The following PACSIN2 variants were observed in gnomAD, a reference collection of about 807,000 sequenced individuals.
PACSIN2 encodes the protein protein kinase C and casein kinase substrate in neurons 2.
A neutral mutation model predicts 63.8 loss-of-function variants in PACSIN2; 25 were observed. The ratio of observed to expected loss-of-function variants is 0.39; its 90% CI spans 0.29 to 0.55. The LOEUF (loss-of-function observed/expected upper bound fraction) is 0.55. PACSIN2 is among the 20% of genes least tolerant of loss of function. The pLI is 0.62. For synonymous variants in PACSIN2, 255 were observed against 256.2 expected (o/e 1.00, Z 0.05); for missense variants, 518 against 646.9 (o/e 0.80, Z 2.16).
At chr22:42,909,320 T>C in intron 2 of PACSIN2, 1 of 343,082 alleles carries the variant, frequency 2.9e-6, no homozygotes, top group Non-Finnish European at 5.8e-6. Context: ...TTAGTATCTT[T>C]TGGTGGGAAG....
chr22:43,014,847 GC>G (rs1184444661), intron 1 of PACSIN2, among the ~76,000 whole-genome samples, 173 bp downstream of exon 1: 7 of 141,934 alleles, frequency 4.9e-5, no homozygotes, highest in Admixed American at 4.3e-4. Flanking sequence ...CCGAGCACTC[GC>G]CCCCTCCCAC....
At chr22:42,881,772 C>T (rs1316309227) in intron 7 of PACSIN2, among the ~76,000 whole-genome samples, 1 of 152,166 alleles carries the variant, frequency 6.6e-6, no homozygotes, top group Non-Finnish European at 1.5e-5. Flanking sequence ...GGGCTGCCCA[C>T]TGAGACCACC....
chr22:42,883,943 G>C (rs946835725), intron 6 of PACSIN2, among the ~76,000 whole-genome samples: 2 of 151,948 alleles, frequency 1.3e-5, no homozygotes, highest in Non-Finnish European at 2.9e-5. Context: ...GGTGGAGGAG[G>C]TTGCAGTGAA....
chr22:42,948,488 G>A (rs1233447084), intron 1 of PACSIN2, among the ~76,000 whole-genome samples: 1 of 152,142 alleles, frequency 6.6e-6, no homozygotes, highest in Admixed American at 6.6e-5. Flanking sequence ...AGCCACACGA[G>A]CTGGGTGTGG....
chr22:42,975,164 C>T (rs970218720), intron 1 of PACSIN2, among the ~76,000 whole-genome samples: 13 of 152,196 alleles, frequency 8.5e-5, no homozygotes, highest in Admixed American at 7.2e-4. Flanking sequence ...TACTGACTCC[C>T]TTAAATCCAA....
intron 7 of PACSIN2, among the ~76,000 whole-genome samples, chr22:42,879,578 G>A (rs768608262): frequency 6.6e-6 from 1 of 152,220 alleles, no homozygotes; most frequent in Non-Finnish European, 1.5e-5. Flanking sequence ...GGCCTCCCCA[G>A]ATGTCTGCTG....
intron 2 of PACSIN2, among the ~76,000 whole-genome samples, chr22:42,893,847 T>A (rs1415887132): frequency 6.6e-6 from 1 of 152,038 alleles, no homozygotes; most frequent in African/African-American, 2.4e-5. Flanking sequence ...GTTCTTTAGG[T>A]TGGGTACCAA....
chr22:42,921,313 T>C (rs1189951861), intron 1 of PACSIN2, among the ~76,000 whole-genome samples: 2 of 150,488 alleles, frequency 1.3e-5, no homozygotes, highest in African/African-American at 4.9e-5. Flanking sequence ...GAGCCGAGAT[T>C]GTGTCACTGT....
At chr22:42,874,738 T>C (rs1486857314) in intron 10 of PACSIN2, among the ~76,000 whole-genome samples, 1 of 152,248 alleles carries the variant, frequency 6.6e-6, no homozygotes, top group Non-Finnish European at 1.5e-5. Flanking sequence ...CAGATGCCCT[T>C]CTGTGTGACT....
At chr22:42,882,052 T>C (rs1248610798) in intron 7 of PACSIN2, 132 bp downstream of exon 7, 2 of 1,070,532 alleles carry the variant, frequency 1.9e-6, no homozygotes, top group Non-Finnish European at 2.8e-6. Flanking sequence ...ACTATAGCTA[T>C]GCCTAAAGGC....
chr22:42,985,018 A>G (rs1922507159), intron 1 of PACSIN2, among the ~76,000 whole-genome samples: 1 of 152,198 alleles, frequency 6.6e-6, no homozygotes, highest in African/African-American at 2.4e-5. Flanking sequence ...GCTGCTTTCT[A>G]TAAAAAATGA....
intron 2 of PACSIN2, among the ~76,000 whole-genome samples, chr22:42,901,991 C>A (rs1242212289): frequency 6.6e-6 from 1 of 152,248 alleles, no homozygotes; most frequent in Non-Finnish European, 1.5e-5. Context: ...TGGCTCCCCA[C>A]TGAAGCATTC....
At chr22:43,005,934 A>G (rs1004874499) in intron 1 of PACSIN2, among the ~76,000 whole-genome samples, 39 of 152,140 alleles carry the variant, frequency 2.6e-4, no homozygotes, top group Non-Finnish European at 4.4e-5. Flanking sequence ...GCCCTCATGA[A>G]TGGGACTAGT....
intron 1 of PACSIN2, among the ~76,000 whole-genome samples, chr22:42,952,820 G>A (rs1334397084): frequency 1.3e-5 from 2 of 151,944 alleles, no homozygotes; most frequent in East Asian, 3.9e-4. Context: ...GTGCCACCAG[G>A]CCCAGCTAAT....
At position 42,871,203 on chromosome 22, in the gene PACSIN2, C is replaced by A; in HGVS notation, c.*154G>T. ...ACTCGGAAAGGTGCCGAGTCCCAGG[C>A]GAAATGACCAGCTCATCTGCCTTCC... On this transcript the variant is annotated 3_prime_UTR_variant, in exon 11 of 11. Transcript: ENST00000263246. This position sits in a 1 kb window ranked among gnomAD's most constrained non-coding sequence, Gnocchi z 5.4. The A allele has an allele frequency of 1.6e-6, 1 of 632,078 alleles. No homozygotes were observed. The highest frequency in any genetic ancestry group is 1.8e-5 in the South Asian group (1 of 56,260). 39.2% of individuals were successfully genotyped at this position (632,078 alleles called of 1,614,324 possible). A position where few individuals can be genotyped will look rare whatever the true frequency, so the allele number is the denominator to read the frequency against.
At chr22:42,991,490 T>C (rs1923035375) in intron 1 of PACSIN2, among the ~76,000 whole-genome samples, 1 of 152,166 alleles carries the variant, frequency 6.6e-6, no homozygotes, top group Admixed American at 6.5e-5. Context: ...AATGAGACAC[T>C]GCCCAGAACC....
At chr22:42,891,505 A>C (rs890424194) in intron 3 of PACSIN2, among the ~76,000 whole-genome samples, 2 of 151,994 alleles carry the variant, frequency 1.3e-5, no homozygotes, top group African/African-American at 2.4e-5. Flanking sequence ...GGTTCAAGAG[A>C]TTCTCCTGCC....
chr22:42,945,202 G>A (rs1483338976), intron 1 of PACSIN2, among the ~76,000 whole-genome samples: 3 of 130,696 alleles, frequency 2.3e-5, no homozygotes, highest in Non-Finnish European at 4.8e-5. Flanking sequence ...TGTACGCACC[G>A]GCAATTACCA....
intron 1 of PACSIN2, among the ~76,000 whole-genome samples, chr22:43,012,675 G>A (rs1007180765): frequency 6.6e-6 from 1 of 150,688 alleles, no homozygotes; most frequent in African/African-American, 2.4e-5. Flanking sequence ...TTTTGAAACA[G>A]GAGTTTTGCT....
Sources: gnomAD v4.1 joint callset for allele counts (sites outside exome capture counted in the v4.1 genomes callset) on GRCh38, gnomAD v4.1.1 for gene constraint, Gnocchi (gnomAD v3.1) non-coding constraint, MANE v1.5 for transcripts, NCBI Gene and HGNC (gene_info 2026-07-23, HGNC 2026-07-21) for gene names.